The following ADGRL3 variants were observed in gnomAD, a reference collection of about 807,000 sequenced individuals.
ADGRL3 encodes the protein calcium-independent alpha-latrotoxin receptor 3.
A neutral mutation model predicts 153.5 loss-of-function variants in ADGRL3; 62 were observed. The observed-to-expected ratio is 0.40, with a 90% CI of 0.33 to 0.50. The LOEUF is 0.50. ADGRL3 is among the 20% of genes least tolerant of loss of function. The pLI is 0.47. For missense variants in ADGRL3, 1,641 were observed against 1,859.4 expected, an observed-to-expected ratio of 0.88 and a Z score of 2.16; for synonymous variants, 710 against 672.5, an observed-to-expected ratio of 1.06 and a Z score of -0.86.
Position 61,936,060 on chromosome 4 carries a change from A to G in ADGRL3, c.2419+15A>G, listed in dbSNP as rs1201350467. The G allele has an allele frequency of 2.8e-5, 45 of 1,608,814 alleles. No individual in the cohort carries two copies. The highest frequency in any genetic ancestry group is 3.7e-5 in the Non-Finnish European group (44 of 1,177,528). On this transcript the variant is annotated intron_variant, in intron 15 of 26. Transcript: ENST00000683033. ...TGGCCGAAATGGTAGGTTAGAGTTT[A>G]TTTTTTAAGCTTGAGGGAATTGAAC... is the stretch of plus-strand genomic sequence containing the variant.
intron 2 of ADGRL3, among the ~76,000 whole-genome samples, chr4:61,387,421 C>A (rs2151964306): frequency 6.6e-6 from 1 of 152,140 alleles, no homozygotes; most frequent in South Asian, 2.1e-4. Flanking sequence ...GTGGGAATTT[C>A]CTCTTCATAA....
chr4:61,583,594 A>G (rs994793879), intron 4 of ADGRL3: 15 of 459,054 alleles, frequency 3.3e-5, no homozygotes, highest in Non-Finnish European at 4.2e-5. Context: ...ACTTTTCACT[A>G]GCTGTATGTT....
At chr4:61,351,078 A>G (rs2151316493) in intron 1 of ADGRL3, among the ~76,000 whole-genome samples, 1 of 152,328 alleles carries the variant, frequency 6.6e-6, no homozygotes, top group Admixed American at 6.5e-5. Flanking sequence ...GAAAATTAAA[A>G]GTGCTGCTCC....
chr4:61,709,547 T>C (rs986292948), intron 6 of ADGRL3, among the ~76,000 whole-genome samples: 2 of 152,144 alleles, frequency 1.3e-5, no homozygotes, highest in African/African-American at 4.8e-5. Context: ...TATATTTTTA[T>C]TTAAAAAGGG....
chr4:62,046,374 A>G (rs982966261), intron 25 of ADGRL3, among the ~76,000 whole-genome samples: 1 of 151,976 alleles, frequency 6.6e-6, no homozygotes, highest in African/African-American at 2.4e-5. Flanking sequence ...CAAACTATTT[A>G]TGGGCTTAAA....
intron 3 of ADGRL3, among the ~76,000 whole-genome samples, chr4:61,509,916 C>T (rs956478390): frequency 6.6e-6 from 1 of 152,106 alleles, no homozygotes; most frequent in Non-Finnish European, 1.5e-5. Flanking sequence ...ACTCCATAGC[C>T]TTGCCAACAC....
At chr4:61,960,501 T>C (rs1210866782) in intron 17 of ADGRL3, among the ~76,000 whole-genome samples, 1 of 152,176 alleles carries the variant, frequency 6.6e-6, no homozygotes, top group East Asian at 1.9e-4. Flanking sequence ...GGTTTGGGTT[T>C]TACTCTGAGC....
chr4:61,824,383 G>A (rs948559368), intron 9 of ADGRL3, among the ~76,000 whole-genome samples: 1 of 152,094 alleles, frequency 6.6e-6, no homozygotes, highest in South Asian at 2.1e-4. Context: ...TTCTAATGAT[G>A]TATTACAAAT....
intron 9 of ADGRL3, among the ~76,000 whole-genome samples, chr4:61,863,427 C>T (rs1033854906): frequency 1.5e-4 from 23 of 151,390 alleles, no homozygotes; most frequent in Admixed American, 9.9e-4. Flanking sequence ...TTAGTAGAGA[C>T]GAGGTTTCAC....
At chr4:61,370,338 A>G (rs932771025) in intron 1 of ADGRL3, among the ~76,000 whole-genome samples, 1 of 150,184 alleles carries the variant, frequency 6.7e-6, no homozygotes, top group Non-Finnish European at 1.5e-5. Context: ...TCAATTTTGG[A>G]TCTTTCCTGC....
At chr4:61,263,287 G>T (rs75958797) in intron 1 of ADGRL3, among the ~76,000 whole-genome samples, 11,426 of 151,006 alleles carry the variant, frequency 0.076, 396 homozygotes, top group Non-Finnish European at 0.091. Flanking sequence ...GAGTTTTGTG[G>T]TTAAAAAAAA....
chr4:61,342,267 C>T (rs1366284165), intron 1 of ADGRL3, among the ~76,000 whole-genome samples: 2 of 152,032 alleles, frequency 1.3e-5, no homozygotes, highest in African/African-American at 2.4e-5. Flanking sequence ...TTGGCTAAAC[C>T]TCTTGAGTCT....
intron 2 of ADGRL3, among the ~76,000 whole-genome samples, chr4:61,460,790 C>G (rs2097802812): frequency 6.6e-6 from 1 of 152,084 alleles, no homozygotes; most frequent in Non-Finnish European, 1.5e-5. Flanking sequence ...TCAGATCGGC[C>G]AGGCGCAGTG....
chr4:61,207,241 C>T (rs1406675069), intron 1 of ADGRL3, among the ~76,000 whole-genome samples: 1 of 152,024 alleles, frequency 6.6e-6, no homozygotes, highest in African/African-American at 2.4e-5. Flanking sequence ...ATGTTCCCCT[C>T]CCTGTGTCCA....
intron 2 of ADGRL3, chr4:61,428,091 C>G (rs972123791): frequency 2.0e-5 from 3 of 152,706 alleles, no homozygotes; most frequent in African/African-American, 7.2e-5. Flanking sequence ...ACCTCGGAAT[C>G]CTGTTGACTA....
intron 23 of ADGRL3, among the ~76,000 whole-genome samples, chr4:62,032,164 ATTTC>A (rs1722459005): frequency 6.6e-6 from 1 of 151,498 alleles, no homozygotes; most frequent in Non-Finnish European, 1.5e-5. Context: ...TGGTATCTAT[ATTTC>A]TTTCCCTTAA....
chr4:61,318,889 A>G (rs1368505253), intron 1 of ADGRL3, among the ~76,000 whole-genome samples: 2 of 152,232 alleles, frequency 1.3e-5, no homozygotes, highest in South Asian at 2.1e-4. Flanking sequence ...TTGACAGTCA[A>G]TACTCATTAC....
rs182618598 is a variant in ADGRL3 at position 61,981,307 on chromosome 4, G to A, written c.3015+1535G>A. Among the ~76,000 whole-genome samples the A allele has an allele frequency of 3.3e-5, 5 of 152,058 alleles. No homozygotes were observed. In the East Asian group the frequency reaches 9.7e-4, roughly 29 times the overall value. On this transcript the variant is annotated intron_variant, in intron 18 of 26. Transcript: ENST00000683033. The stretch of plus-strand genomic sequence containing the variant: ...AAGTTTGTAATATGCCTTAAAAACA[G>A]CCAATATTATATTAAAATCTGCAGG...
chr4:61,994,820 T>A (rs2099116178), intron 19 of ADGRL3, among the ~76,000 whole-genome samples: 2 of 152,000 alleles, frequency 1.3e-5, no homozygotes, highest in Non-Finnish European at 2.9e-5. Context: ...AATGTCTGTG[T>A]GTGTATGTTT....
Sources: allele counts gnomAD v4.1 joint callset (sites outside exome capture counted in the v4.1 genomes callset), GRCh38; gene constraint gnomAD v4.1.1; transcripts MANE v1.5; gene names NCBI Gene and HGNC (gene_info 2026-07-23, HGNC 2026-07-21).